Variants in MNAT1 observed in about 807,000 individuals in gnomAD.
MNAT1 encodes MNAT1 component of CDK activating kinase.
MNAT1 carries 43 observed loss-of-function variants against 42.0 expected under a neutral mutation model. The ratio of observed to expected loss-of-function variants is 1.02; its 90% confidence interval spans 0.80 to 1.32. The LOEUF is 1.32. Ranked by LOEUF, MNAT1 falls within the 40% of genes most tolerant of loss-of-function variation. MNAT1 has a pLI of 0.00. For missense variants in MNAT1, 306 were observed against 350.4 expected (o/e 0.87, Z 1.01); for synonymous variants, 118 against 120.0 (o/e 0.98, Z 0.11).
chr14:60,923,264 T>A (rs1294662022), intron 7 of MNAT1, among the ~76,000 whole-genome samples: 1 of 152,196 alleles, frequency 6.6e-6, no homozygotes, highest in Non-Finnish European at 1.5e-5. Context: ...TGTGATTCAG[T>A]AGGGCTAGAG....
At chr14:60,957,738 C>A (rs1483136416) in intron 7 of MNAT1, among the ~76,000 whole-genome samples, 1 of 152,100 alleles carries the variant, frequency 6.6e-6, no homozygotes, top group African/African-American at 2.4e-5. Context: ...TGTCTTTCAA[C>A]ATTTATATTA....
At chr14:60,903,276 G>A (rs2035111068) in intron 7 of MNAT1, among the ~76,000 whole-genome samples, 1 of 151,808 alleles carries the variant, frequency 6.6e-6, no homozygotes, top group Admixed American at 6.6e-5. Flanking sequence ...ACCTAATGGT[G>A]TATAATATTA....
intron 7 of MNAT1, among the ~76,000 whole-genome samples, chr14:60,890,644 GT>G: frequency 6.6e-6 from 1 of 152,298 alleles, no homozygotes; most frequent in Non-Finnish European, 1.5e-5. Context: ...CAAACCACTG[GT>G]TTAAGTCCAA....
chr14:60,790,608 AG>A (rs1045582510), intron 1 of MNAT1, among the ~76,000 whole-genome samples: 2 of 152,214 alleles, frequency 1.3e-5, no homozygotes, highest in African/African-American at 4.8e-5. Context: ...AATGTATAAA[AG>A]CAAGCTGTAC....
intron 7 of MNAT1, among the ~76,000 whole-genome samples, chr14:60,935,894 A>G (rs1409484390): frequency 1.3e-5 from 2 of 152,160 alleles, no homozygotes; most frequent in Non-Finnish European, 2.9e-5. Context: ...TTGTCACGCA[A>G]CCAGGGAAAT....
At chr14:60,837,502 G>A (rs1255319155) in intron 6 of MNAT1, among the ~76,000 whole-genome samples, 1 of 152,184 alleles carries the variant, frequency 6.6e-6, no homozygotes, top group African/African-American at 2.4e-5. Context: ...CGCTTCCTGG[G>A]TGAGGCGATG....
intron 6 of MNAT1, among the ~76,000 whole-genome samples, chr14:60,826,962 G>A (rs1594782546): frequency 6.6e-6 from 1 of 151,820 alleles, no homozygotes; most frequent in Non-Finnish European, 1.5e-5. Context: ...GGGAACAAGC[G>A]AAGGCACATT....
At chr14:60,911,758 G>C (rs1346062354) in intron 7 of MNAT1, among the ~76,000 whole-genome samples, 2 of 152,142 alleles carry the variant, frequency 1.3e-5, no homozygotes, top group Non-Finnish European at 2.9e-5. Context: ...GTCAGTTTTG[G>C]AATAGGTGTG....
chr14:60,795,615 AT>A (rs1026373652), intron 1 of MNAT1, among the ~76,000 whole-genome samples: 4 of 152,112 alleles, frequency 2.6e-5, no homozygotes, highest in African/African-American at 9.7e-5. Flanking sequence ...TCTTTCTGGG[AT>A]TTCTCATGGC....
At chr14:60,752,320 T>G (rs2030128418) in intron 1 of MNAT1, among the ~76,000 whole-genome samples, 1 of 152,220 alleles carries the variant, frequency 6.6e-6, no homozygotes, top group African/African-American at 2.4e-5. Context: ...AGGATCTATT[T>G]CTATATTCTT....
At chr14:60,765,740 A>T (rs893431734) in intron 1 of MNAT1, among the ~76,000 whole-genome samples, 5 of 152,166 alleles carry the variant, frequency 3.3e-5, no homozygotes, top group Admixed American at 1.3e-4. Context: ...GTTAGACTGA[A>T]TATAAAAATC....
intron 6 of MNAT1, among the ~76,000 whole-genome samples, chr14:60,832,195 T>A (rs1289003561): frequency 6.6e-6 from 1 of 152,206 alleles, no homozygotes; most frequent in African/African-American, 2.4e-5. Flanking sequence ...TAGATCCCAA[T>A]TTGTCAGTTT....
intron 7 of MNAT1, among the ~76,000 whole-genome samples, chr14:60,887,984 AC>A (rs1324136164): frequency 6.7e-6 from 1 of 150,318 alleles, no homozygotes; most frequent in Non-Finnish European, 1.5e-5. Flanking sequence ...AGAGTCCAGG[AC>A]CAGATGGATT....
chr14:60,840,251 A>T (rs1472477048), intron 6 of MNAT1, among the ~76,000 whole-genome samples: 1 of 152,188 alleles, frequency 6.6e-6, no homozygotes, highest in Non-Finnish European at 1.5e-5. Context: ...ATTAGGGAAA[A>T]ATGCCTGTGT....
intron 7 of MNAT1, among the ~76,000 whole-genome samples, chr14:60,917,874 C>T (rs1019458198): frequency 3.3e-5 from 5 of 152,018 alleles, no homozygotes; most frequent in African/African-American, 7.2e-5. Flanking sequence ...GTAATCTACC[C>T]GCTTTGGCCT....
chr14:60,784,051 A>G (rs2031556128), intron 1 of MNAT1, among the ~76,000 whole-genome samples: 2 of 151,320 alleles, frequency 1.3e-5, no homozygotes, highest in East Asian at 2.0e-4. Context: ...CTGTCGCCCA[A>G]GCTGGAGTGC....
At chr14:60,818,258 GT>G (rs1212525674) in intron 5 of MNAT1, among the ~76,000 whole-genome samples, 2 of 151,816 alleles carry the variant, frequency 1.3e-5, no homozygotes, top group Non-Finnish European at 2.9e-5. Flanking sequence ...TATACTTTTG[GT>G]TGTACTTACA....
intron 6 of MNAT1, among the ~76,000 whole-genome samples, chr14:60,879,294 T>G (rs1267519521): frequency 6.6e-6 from 1 of 152,230 alleles, no homozygotes; most frequent in Non-Finnish European, 1.5e-5. Context: ...CTTATGCTTC[T>G]TTGTGCTTCC....
intron 7 of MNAT1, among the ~76,000 whole-genome samples, chr14:60,934,972 T>A (rs963663003): frequency 6.6e-6 from 1 of 152,246 alleles, no homozygotes; most frequent in African/African-American, 2.4e-5. Flanking sequence ...TCTAGTGAAG[T>A]AGATTTTCTG....
Sources: allele counts gnomAD v4.1 joint callset (sites outside exome capture counted in the v4.1 genomes callset), GRCh38; gene constraint gnomAD v4.1.1; transcripts MANE v1.5; gene names NCBI Gene and HGNC (gene_info 2026-07-23, HGNC 2026-07-21).